Variants in ABCA13 observed in about 807,000 individuals in gnomAD.
The protein encoded by ABCA13 is ATP-binding cassette sub-family A member 13.
Under a neutral mutation model 478.7 loss-of-function variants are expected in ABCA13, and 476 were observed. The observed-to-expected ratio is 0.99, with a 90% confidence interval of 0.92 to 1.07. ABCA13 has a LOEUF of 1.07. ABCA13 is among the 50% of genes least tolerant of loss of function. ABCA13 has a pLI of 0.00. For missense variants in ABCA13, 6,060 were observed against 5,910.6 expected (o/e 1.03, Z -0.83); for synonymous variants, 2,252 against 2,158.9 (o/e 1.04, Z -1.20).
intron 48 of ABCA13, among the ~76,000 whole-genome samples, chr7:48,504,387 G>T (rs542389456): frequency 4.6e-5 from 7 of 152,278 alleles, no homozygotes; most frequent in Non-Finnish European, 2.9e-5. Context: ...GTTTGTGAGT[G>T]AGGCCTGGCA....
At chr7:48,516,576 A>T (rs761782573) in intron 51 of ABCA13, 149 bp from the exon 52 acceptor site, 152 of 726,608 alleles carry the variant, frequency 2.1e-4, no homozygotes, top group Admixed American at 4.4e-4. Flanking sequence ...CATAGGTTGT[A>T]TGTATGGGGA....
intron 1 of ABCA13, among the ~76,000 whole-genome samples, chr7:48,189,740 A>G (rs2128889302): frequency 6.6e-6 from 1 of 152,288 alleles, no homozygotes; most frequent in South Asian, 2.1e-4. Flanking sequence ...TGTTGTCTTC[A>G]TGTGAAGGGA....
intron 55 of ABCA13, among the ~76,000 whole-genome samples, chr7:48,571,484 C>CT (rs71552486): frequency 0.087 from 12,723 of 146,660 alleles, 837 homozygotes; most frequent in African/African-American, 0.19. Context: ...TCTAGGCTAG[C>CT]TTTTTTTTTT....
At chr7:48,186,794 T>TGA in intron 1 of ABCA13, among the ~76,000 whole-genome samples, 1 of 152,096 alleles carries the variant, frequency 6.6e-6, no homozygotes, top group Non-Finnish European at 1.5e-5. Context: ...GCAAGAAAAA[T>TGA]GACATTCTTT....
intron 42 of ABCA13, among the ~76,000 whole-genome samples, chr7:48,450,470 T>A (rs1824855968): frequency 1.3e-5 from 2 of 152,224 alleles, no homozygotes; most frequent in Admixed American, 1.3e-4. Context: ...CCTTCGCTTT[T>A]TAAATTAAAA....
At chr7:48,357,532 G>A (rs937841512) in intron 31 of ABCA13, among the ~76,000 whole-genome samples, 1 of 151,954 alleles carries the variant, frequency 6.6e-6, no homozygotes, top group African/African-American at 2.4e-5. Flanking sequence ...CTGGGCAGAG[G>A]AGGATGGTTT....
rs186836252 is a variant in ABCA13, at chr7:48,627,644, G to A, written c.14837+12267G>A. On this transcript the variant is annotated intron_variant, in intron 59 of 61. Transcript: ENST00000435803. ...ATATACCAATCATTTTCTCACCTGC[G>A]TTAATCCATTTGCTGTTACTATAAC... is the stretch of plus-strand genomic sequence containing the variant. Among the ~76,000 whole-genome samples, 5 of 152,250 alleles carry A rather than the reference G, an allele frequency of 3.3e-5. No homozygotes were observed. The South Asian group carries it at 6.2e-4, about 19-fold the overall frequency.
chr7:48,295,459 T>C, intron 20 of ABCA13, among the ~76,000 whole-genome samples: 1 of 152,370 alleles, frequency 6.6e-6, no homozygotes, highest in South Asian at 2.1e-4. Context: ...TGGTGGAGAA[T>C]TGCGTGTTCT....
intron 55 of ABCA13, among the ~76,000 whole-genome samples, chr7:48,565,527 T>C (rs547599267): frequency 2.5e-4 from 38 of 152,188 alleles, no homozygotes; most frequent in African/African-American, 8.7e-4. Context: ...TGTGTATGTG[T>C]GTGTGTACCT....
intron 10 of ABCA13, 122 bp downstream of exon 10, chr7:48,241,188 T>C: frequency 8.1e-7 from 1 of 1,228,698 alleles, no homozygotes; most frequent in Admixed American, 2.1e-5. Context: ...AATTTCTTGT[T>C]AGCAAATGGG....
intron 56 of ABCA13, among the ~76,000 whole-genome samples, chr7:48,580,840 G>A (rs1788636270): frequency 6.6e-6 from 1 of 152,064 alleles, no homozygotes; most frequent in Non-Finnish European, 1.5e-5. Flanking sequence ...CCTGCCAGGG[G>A]ATTCCTTCTG....
chr7:48,484,858 T>C (rs528152406), intron 47 of ABCA13, among the ~76,000 whole-genome samples: 205 of 152,350 alleles, frequency 1.3e-3, no homozygotes, highest in African/African-American at 4.8e-3. Context: ...TTATTTGAAA[T>C]ACCAGAACTG....
intron 3 of ABCA13, among the ~76,000 whole-genome samples, chr7:48,204,677 G>A (rs938785620): frequency 3.3e-5 from 5 of 152,076 alleles, no homozygotes; most frequent in Non-Finnish European, 5.9e-5. Flanking sequence ...CGCATGGTCG[G>A]CCTTTCTCTT....
Position 48,272,601 on chromosome 7 carries a change from C to A in ABCA13, c.2935C>A (p.Gln979Lys), listed in dbSNP as rs1436131675. Residue 979 changes from glutamine to lysine, a missense_variant, in exon 17 of 62, where the codon CAG (glutamine) becomes AAG (lysine). Gln to Lys is a moderately conservative substitution (Grantham distance 53). This residue lies in a region of ABCA13 where 4,423 missense variants were observed against 4,309.1 expected (regional missense o/e 1.03). Coordinates refer to ENST00000435803, the MANE Select transcript of ABCA13 (RefSeq NM_152701.5). ...ATATATTTATGAATTATTGAATATT[C>A]AGAGTAGAGGCTCTTCGTTGACTTT... is the stretch of plus-strand genomic sequence containing the variant. ...YRYIYELLNIQSRGSSLTFLT... is the reference protein window; with the variant it reads ...YRYIYELLNIKSRGSSLTFLT... 1.2e-6 allele frequency: 2 copies of A among 1,613,106 alleles called. No homozygotes were observed. The highest frequency in any genetic ancestry group is 8.5e-7 in the Non-Finnish European group (1 of 1,179,382).
intron 57 of ABCA13, among the ~76,000 whole-genome samples, chr7:48,588,098 G>C (rs939524099): frequency 6.6e-6 from 1 of 152,110 alleles, no homozygotes; most frequent in South Asian, 2.1e-4. Flanking sequence ...TTTTAGTGGG[G>C]TAGTAAATGG....
intron 35 of ABCA13, among the ~76,000 whole-genome samples, chr7:48,386,326 G>A (rs2129049736): frequency 6.6e-6 from 1 of 152,308 alleles, no homozygotes; most frequent in Admixed American, 6.5e-5. Flanking sequence ...GCAGTTTGTA[G>A]ATTCATTGCT....
At chr7:48,574,368 A>G (rs1158566355) in intron 55 of ABCA13, among the ~76,000 whole-genome samples, 1 of 152,180 alleles carries the variant, frequency 6.6e-6, no homozygotes, top group Non-Finnish European at 1.5e-5. Flanking sequence ...ACTGAAAGCC[A>G]CGTTCATTTG....
intron 57 of ABCA13, among the ~76,000 whole-genome samples, chr7:48,594,192 T>G (rs970522191): frequency 1.3e-5 from 2 of 152,122 alleles, no homozygotes; most frequent in Non-Finnish European, 2.9e-5. Flanking sequence ...TCTCATATTG[T>G]AAAAGTTAGG....
chr7:48,339,822 C>A (rs1806847601), intron 29 of ABCA13, among the ~76,000 whole-genome samples: 1 of 152,152 alleles, frequency 6.6e-6, no homozygotes, highest in Non-Finnish European at 1.5e-5. Context: ...CCCTGTACAG[C>A]CCTCTGGGAG....
Sources: gnomAD v4.1 joint callset for allele counts (sites outside exome capture counted in the v4.1 genomes callset) on GRCh38, gnomAD v4.1.1 for gene constraint, gnomAD v4.1.1 regional missense constraint, MANE v1.5 for transcripts, NCBI Gene and HGNC (gene_info 2026-07-23, HGNC 2026-07-21) for gene names.